DTNB: variants seen among roughly 807,000 people sequenced by gnomAD.
DTNB encodes DTN-B.
A neutral mutation model predicts 90.7 loss-of-function variants in DTNB; 63 were observed. The observed-to-expected ratio is 0.69, with a 90% CI of 0.57 to 0.86. DTNB has a LOEUF of 0.86. Among genes scored for constraint, DTNB ranks in the 40% least tolerant of loss-of-function variants. The pLI, the probability that DTNB is intolerant of heterozygous loss-of-function variation, is 0.00. For synonymous variants in DTNB, 277 were observed against 286.7 expected, an observed-to-expected ratio of 0.97 and a Z score of 0.34; for missense variants, 744 against 807.1, an observed-to-expected ratio of 0.92 and a Z score of 0.95.
chr2:25,484,023 G>A (rs2065566829), intron 9 of DTNB, among the ~76,000 whole-genome samples: 1 of 152,182 alleles, frequency 6.6e-6, no homozygotes, highest in Admixed American at 6.5e-5. Flanking sequence ...CATACATAGA[G>A]TGTACTTACA....
At chr2:25,575,255 A>G (rs74334264) in intron 8 of DTNB, among the ~76,000 whole-genome samples, 1 of 151,856 alleles carries the variant, frequency 6.6e-6, no homozygotes, top group Admixed American at 6.6e-5. Context: ...AAAAAAAAAA[A>G]CCAGTGGAAA....
chr2:25,556,170 CTTTTTTTTTT>C (rs60714399), intron 8 of DTNB, among the ~76,000 whole-genome samples: 1 of 105,566 alleles, frequency 9.5e-6, no homozygotes, highest in Non-Finnish European at 1.8e-5. Context: ...GGCCATCTCT[CTTTTTTTTTT>C]TTTTTTTTTT....
At chr2:25,556,117 ATAAACT>A in intron 8 of DTNB, among the ~76,000 whole-genome samples, 1 of 151,424 alleles carries the variant, frequency 6.6e-6, no homozygotes, top group Non-Finnish European at 1.5e-5. Flanking sequence ...ACATACCATA[ATAAACT>A]TAATCATTTC....
At chr2:25,572,027 C>G (rs918790517) in intron 8 of DTNB, among the ~76,000 whole-genome samples, 6 of 152,144 alleles carry the variant, frequency 3.9e-5, no homozygotes, top group African/African-American at 1.4e-4. Flanking sequence ...GCACCCTTGC[C>G]TCCTCCCACC....
At chr2:25,473,939 C>G (rs988744666) in intron 10 of DTNB, among the ~76,000 whole-genome samples, 37 of 152,234 alleles carry the variant, frequency 2.4e-4, no homozygotes, top group African/African-American at 8.2e-4. Context: ...TGCCGATGGT[C>G]TATGACGGAT....
intron 8 of DTNB, among the ~76,000 whole-genome samples, chr2:25,543,396 C>T (rs1330657578): frequency 6.6e-6 from 1 of 151,890 alleles, no homozygotes; most frequent in Non-Finnish European, 1.5e-5. Flanking sequence ...ACCTCTGCCT[C>T]CCGGGTTCAA....
intron 9 of DTNB, among the ~76,000 whole-genome samples, chr2:25,524,976 A>G (rs933004422): frequency 6.6e-6 from 1 of 152,216 alleles, no homozygotes; most frequent in Non-Finnish European, 1.5e-5. Flanking sequence ...TTCTCCATAC[A>G]AGAATGCTCA....
chr2:25,486,632 CAAAA>C (rs57903531), intron 9 of DTNB, among the ~76,000 whole-genome samples: 2 of 92,330 alleles, frequency 2.2e-5, no homozygotes, highest in Non-Finnish European at 4.4e-5. Context: ...GACCCTGTCT[CAAAA>C]AAAAAAAAAA....
At chr2:25,628,106 G>A in intron 4 of DTNB, 65 bp downstream of exon 4, 1 of 1,536,436 alleles carries the variant, frequency 6.5e-7, no homozygotes, top group Non-Finnish European at 9.0e-7. Context: ...CAGTATGGAA[G>A]AAGAATGATT....
intron 8 of DTNB, among the ~76,000 whole-genome samples, chr2:25,555,063 G>A (rs888160968): frequency 2.9e-4 from 44 of 151,950 alleles, no homozygotes; most frequent in Admixed American, 2.8e-3. Flanking sequence ...TTGGGAGGCC[G>A]AGGTGGGCGG....
At chr2:25,433,833 A>AT in intron 13 of DTNB, 77 bp downstream of exon 13, 1 of 1,551,830 alleles carries the variant, frequency 6.4e-7, no homozygotes, top group South Asian at 1.1e-5. Context: ...GCCACCTAGT[A>AT]TCCAAGGAAA....
chr2:25,485,214 G>A (rs982650650), intron 9 of DTNB, among the ~76,000 whole-genome samples: 5 of 151,796 alleles, frequency 3.3e-5, no homozygotes, highest in Non-Finnish European at 7.4e-5. Flanking sequence ...TCACTATGTT[G>A]CCTAGGCTGG....
intron 16 of DTNB, among the ~76,000 whole-genome samples, chr2:25,410,787 A>G (rs1384204444): frequency 6.6e-6 from 1 of 152,144 alleles, no homozygotes; most frequent in African/African-American, 2.4e-5. Flanking sequence ...TAAAAAGAAC[A>G]ATGTATAGAT....
At chr2:25,604,394 CTTCT>C (rs1469659831) in intron 5 of DTNB, among the ~76,000 whole-genome samples, 4 of 112,206 alleles carry the variant, frequency 3.6e-5, no homozygotes, top group Non-Finnish European at 5.5e-5. Context: ...CTCTCTCTCC[CTTCT>C]TTCTCTCTCT....
At position 25,613,937 on chromosome 2, in the gene DTNB, G is replaced by A. The variant is rs974011204; in HGVS notation, c.363-6616C>T. On this transcript the variant is annotated intron_variant, in intron 4 of 20. Transcript: ENST00000406818. ...CATGCCACTGCACTCCAGCCTGGGC[G>A]ACACAGCAAGACTCCGTCTCTAAAT... is the stretch of plus-strand genomic sequence containing the variant. Among the ~76,000 whole-genome samples, 28 of 152,104 alleles carry A rather than the reference G, an allele frequency of 1.8e-4. 1 individual carries two copies. Among genetic ancestry groups the A allele is most frequent in the Non-Finnish European group, 8.8e-5 (6 of 68,022 alleles).
intron 5 of DTNB, among the ~76,000 whole-genome samples, chr2:25,600,629 A>G (rs989598034): frequency 6.6e-6 from 1 of 152,206 alleles, no homozygotes; most frequent in African/African-American, 2.4e-5. Context: ...TGAGTAATTA[A>G]CCTGTGGCCA....
chr2:25,442,342 T>G (rs1239056335), intron 12 of DTNB, among the ~76,000 whole-genome samples: 1 of 152,214 alleles, frequency 6.6e-6, no homozygotes, highest in Non-Finnish European at 1.5e-5. Flanking sequence ...CAGAAACGTT[T>G]CTCTTGGTCA....
chr2:25,423,704 G>C (rs943836859), intron 15 of DTNB, among the ~76,000 whole-genome samples: 21 of 151,834 alleles, frequency 1.4e-4, no homozygotes, highest in Admixed American at 3.9e-4. Flanking sequence ...CTGTTGCCCA[G>C]GCTGGGGTGC....
intron 18 of DTNB, among the ~76,000 whole-genome samples, chr2:25,385,854 A>G (rs542874004): frequency 2.7e-4 from 41 of 152,262 alleles, no homozygotes; most frequent in Admixed American, 9.2e-4. Flanking sequence ...ATGACCTCTC[A>G]CCCTAGCACG....
Sources: gnomAD v4.1 joint callset for allele counts (sites outside exome capture counted in the v4.1 genomes callset) on GRCh38, gnomAD v4.1.1 for gene constraint, MANE v1.5 for transcripts, NCBI Gene and HGNC (gene_info 2026-07-23, HGNC 2026-07-21) for gene names.